Variants in ADAMTSL3 observed in about 807,000 individuals in gnomAD.
The protein encoded by ADAMTSL3 is ADAMTS like 3, also known as ADAMTS-like protein 3.
ADAMTSL3 carries 128 observed loss-of-function variants against 201.7 expected under a neutral mutation model. The ratio of observed to expected loss-of-function variants is 0.63; its 90% CI spans 0.55 to 0.73. The LOEUF is 0.73. Ranked by LOEUF, ADAMTSL3 falls within the 30% of genes least tolerant of loss-of-function variation. The probability of loss-of-function intolerance (pLI) is 0.00; values close to 1 mark genes in which losing one functional copy is unlikely to be tolerated. For synonymous variants in ADAMTSL3, 738 were observed against 748.4 expected (o/e 0.99, Z 0.23); for missense variants, 1,990 against 2,119.6 (o/e 0.94, Z 1.20).
intron 4 of ADAMTSL3, among the ~76,000 whole-genome samples, chr15:83,796,695 A>G (rs1382705767): frequency 1.3e-5 from 2 of 152,200 alleles, no homozygotes; most frequent in African/African-American, 4.8e-5. Flanking sequence ...TTTTAACTAT[A>G]CTAGTGGCAT....
rs568406063 is a variant in ADAMTSL3 at position 83,823,929 on chromosome 15, T to C, written c.600+3882T>C. 3.3e-3 allele frequency among the ~76,000 whole-genome samples: 379 copies of C among 114,906 alleles called. 15 individuals are homozygous for C. The highest frequency in any genetic ancestry group is 0.011 in the East Asian group (46 of 4,050). The allele number at this position is 114,906 out of a possible 152,430, so 75.4% of individuals were successfully genotyped here. ...CTTCTTCTTCTTCTTCTTCTTCTTC[T>C]TCTTCTTCTTCTTCTTCTTCTTCTT... On this transcript the variant is annotated intron_variant, in intron 6 of 29. Coordinates refer to ENST00000286744, the MANE Select transcript of ADAMTSL3 (RefSeq NM_207517.3).
Position 84,037,020 on chromosome 15 carries a change from C to T in ADAMTSL3, c.4969+33C>T, listed in dbSNP as rs745388802. 2.6e-5 allele frequency: 42 copies of T among 1,603,582 alleles called. No homozygotes were observed. In the Admixed American group the frequency reaches 5.0e-4, roughly 19 times the overall value. ...CACCTCCCAGGTATCTCCACTGCCC[C>T]AGAGGCCTTGATGGCATCAGATCCT... is the stretch of plus-strand genomic sequence containing the variant. On this transcript the variant is annotated intron_variant, in intron 29 of 29. Transcript: ENST00000286744.
intron 4 of ADAMTSL3, among the ~76,000 whole-genome samples, chr15:83,776,232 C>G (rs2063072176): frequency 6.6e-6 from 1 of 152,146 alleles, no homozygotes; most frequent in Admixed American, 6.6e-5. Context: ...GAGGTAGGCT[C>G]ACAGCACACC....
Position 83,942,965 on chromosome 15 carries a change from G to C in ADAMTSL3, c.2373G>C (p.Thr791=). The change falls in exon 19 of 30, where the codon ACG becomes ACC. Residue 791 remains threonine, a synonymous_variant. Transcript: ENST00000286744. ...GAGTCACCTGTCGGCAGCTGCTAAC[G>C]GATGGCAGCTTTTTGAATCTCTCAG... is the stretch of plus-strand genomic sequence containing the variant. The part of the protein sequence containing the change: ...NRRVTCRQLL[T]DGSFLNLSDE... 1 of 1,614,014 alleles carries C rather than the reference G, an allele frequency of 6.2e-7. No homozygotes were observed.
intron 4 of ADAMTSL3, among the ~76,000 whole-genome samples, chr15:83,801,665 T>TATATATATATATATAAATATAA (rs2063523345): frequency 1.5e-5 from 1 of 64,642 alleles, no homozygotes; most frequent in Non-Finnish European, 3.3e-5. Context: ...TATATATATA[T>TATATATATATATATAAATATAA]ATATATATAT....
chr15:84,023,433 G>T, intron 26 of ADAMTSL3, among the ~76,000 whole-genome samples: 1 of 152,114 alleles, frequency 6.6e-6, no homozygotes, highest in Non-Finnish European at 1.5e-5. Context: ...GTGGGAGGCA[G>T]GGTCACAGTG....
At chr15:83,940,830 ATCT>A (rs1205554803) in intron 17 of ADAMTSL3, among the ~76,000 whole-genome samples, 5 of 152,070 alleles carry the variant, frequency 3.3e-5, no homozygotes, top group African/African-American at 7.2e-5. Flanking sequence ...AAATATTTTC[ATCT>A]TCTTATTTTG....
intron 12 of ADAMTSL3, among the ~76,000 whole-genome samples, 194 bp downstream of exon 12, chr15:83,891,573 A>G (rs2065499500): frequency 6.6e-6 from 1 of 152,204 alleles, no homozygotes; most frequent in Non-Finnish European, 1.5e-5. Context: ...TCAAAAGATG[A>G]TGTTTCCCAT....
chr15:83,726,333 T>C (rs2062174639), intron 3 of ADAMTSL3, among the ~76,000 whole-genome samples: 1 of 152,118 alleles, frequency 6.6e-6, no homozygotes, highest in Non-Finnish European at 1.5e-5. Flanking sequence ...GATCATATCA[T>C]CTGAAAACAT....
chr15:83,750,845 C>T (rs1462675099), intron 3 of ADAMTSL3, among the ~76,000 whole-genome samples: 5 of 152,084 alleles, frequency 3.3e-5, no homozygotes, highest in South Asian at 2.1e-4. Context: ...CCACTGCGCC[C>T]GGCTGGGGGA....
intron 4 of ADAMTSL3, among the ~76,000 whole-genome samples, chr15:83,791,890 A>C (rs2063351426): frequency 6.6e-6 from 1 of 151,968 alleles, no homozygotes; most frequent in African/African-American, 2.4e-5. Flanking sequence ...AAATCAACTA[A>C]AAATAGATTA....
At chr15:83,757,830 T>A (rs995601997) in intron 3 of ADAMTSL3, among the ~76,000 whole-genome samples, 1 of 152,170 alleles carries the variant, frequency 6.6e-6, no homozygotes, top group Non-Finnish European at 1.5e-5. Flanking sequence ...CCCTGAATCA[T>A]CTCCCTCAAG....
In ADAMTSL3 at chr15:83,970,497, G is replaced by C. The variant is rs1003333696; in HGVS notation, c.2504G>C (p.Cys835Ser). The C allele has an allele frequency of 1.7e-5, 28 of 1,614,144 alleles. No homozygotes were observed. Among genetic ancestry groups the C allele is most frequent in the Non-Finnish European group, 2.3e-5 (27 of 1,180,024 alleles). The change falls in exon 20 of 30, where the codon TGT becomes TCT. Residue 835 changes from cysteine to serine, a missense_variant. By Grantham distance (112) the Cys-to-Ser change is moderately radical. Transcript: ENST00000286744. ...CTCTCATTTCAGTGTTCTGTCAGTT[G>C]TGGTGTTGGAATCCAGAGAAGAAAG... ...VGDWSKCSVS[C>S]GVGIQRRKQV...
chr15:83,714,791 T>TTCTTTCTTTCTCTTTCTC, intron 3 of ADAMTSL3, among the ~76,000 whole-genome samples: 1 of 78,888 alleles, frequency 1.3e-5, no homozygotes, highest in East Asian at 3.2e-4. Flanking sequence ...TTCTTTTTCT[T>TTCTTTCTTTCTCTTTCTC]TCTCTCTCTT....
intron 17 of ADAMTSL3, among the ~76,000 whole-genome samples, chr15:83,941,741 T>C (rs548573494): frequency 1.7e-3 from 258 of 152,384 alleles, no homozygotes; most frequent in African/African-American, 6.0e-3. Flanking sequence ...GTGTGTGTGC[T>C]GTTATTACAC....
At chr15:83,684,039 C>A (rs2061508334) in intron 2 of ADAMTSL3, among the ~76,000 whole-genome samples, 1 of 152,186 alleles carries the variant, frequency 6.6e-6, no homozygotes, top group African/African-American at 2.4e-5. Flanking sequence ...GGTATTCCAA[C>A]CTTAGAGCTT....
intron 7 of ADAMTSL3, among the ~76,000 whole-genome samples, chr15:83,848,975 C>A (rs772068055): frequency 2.0e-5 from 3 of 152,102 alleles, no homozygotes; most frequent in Non-Finnish European, 4.4e-5. Flanking sequence ...TCTCTTACCA[C>A]CAAATTTCAA....
At chr15:83,739,101 A>G (rs970408395) in intron 3 of ADAMTSL3, among the ~76,000 whole-genome samples, 1 of 152,094 alleles carries the variant, frequency 6.6e-6, no homozygotes, top group Non-Finnish European at 1.5e-5. Flanking sequence ...GTAAATGTAT[A>G]TGAGTTAAAT....
At chr15:83,828,964 C>T (rs1485102199) in intron 6 of ADAMTSL3, among the ~76,000 whole-genome samples, 3 of 151,920 alleles carry the variant, frequency 2.0e-5, no homozygotes, top group African/African-American at 4.8e-5. Context: ...CGATGTTCAT[C>T]AGGGATATTG....
Sources: gnomAD v4.1 joint callset for allele counts (sites outside exome capture counted in the v4.1 genomes callset) on GRCh38, gnomAD v4.1.1 for gene constraint, MANE v1.5 for transcripts, NCBI Gene and HGNC (gene_info 2026-07-23, HGNC 2026-07-21) for gene names.